Variants in ATP11B observed in about 807,000 individuals in gnomAD.
ATP11B encodes the protein ATPase phospholipid transporting 11B (putative), also known as phospholipid-transporting ATPase IF.
Under a neutral mutation model 157.8 loss-of-function variants are expected in ATP11B, and 81 were observed. The ratio of observed to expected loss-of-function variants is 0.51; its 90% CI spans 0.43 to 0.62. The LOEUF (loss-of-function observed/expected upper bound fraction) is 0.62, where lower values mean the gene tolerates loss of function less well. Among genes scored for constraint, ATP11B ranks in the 20% least tolerant of loss-of-function variants. The pLI is 0.00. For missense variants in ATP11B, 1,165 were observed against 1,402.2 expected, an observed-to-expected ratio of 0.83 and a Z score of 2.70; for synonymous variants, 451 against 469.4, an observed-to-expected ratio of 0.96 and a Z score of 0.51.
At chr3:182,893,884 G>GT (rs1723340787) in intron 25 of ATP11B, among the ~76,000 whole-genome samples, 1 of 152,148 alleles carries the variant, frequency 6.6e-6, no homozygotes, top group Non-Finnish European at 1.5e-5. Flanking sequence ...GACCATTCTT[G>GT]TAGGAGTAAG....
At chr3:182,861,201 G>T (rs1325765753) in intron 12 of ATP11B, among the ~76,000 whole-genome samples, 1 of 151,910 alleles carries the variant, frequency 6.6e-6, no homozygotes, top group African/African-American at 2.4e-5. Context: ...GAGTAGCTGG[G>T]ATTACAGGCA....
At chr3:182,890,586 A>T (rs1409624621) in intron 25 of ATP11B, among the ~76,000 whole-genome samples, 1 of 152,202 alleles carries the variant, frequency 6.6e-6, no homozygotes, top group African/African-American at 2.4e-5. Context: ...CCTTTACCTT[A>T]TAGAGTAGGG....
chr3:182,845,010 T>TTTTTTTTTTTTTTTTTTA (rs1560081901), intron 8 of ATP11B, among the ~76,000 whole-genome samples: 2 of 68,252 alleles, frequency 2.9e-5, no homozygotes, highest in African/African-American at 4.1e-5. Flanking sequence ...TTTTTTATTT[T>TTTTTTTTTTTTTTTTTTA]TTTTTATTTT....
At chr3:182,853,023 A>G (rs1720098718) in intron 10 of ATP11B, among the ~76,000 whole-genome samples, 1 of 152,210 alleles carries the variant, frequency 6.6e-6, no homozygotes, top group Admixed American at 6.5e-5. Flanking sequence ...TTTTAACATT[A>G]TTCTAGAAGC....
intron 1 of ATP11B, among the ~76,000 whole-genome samples, chr3:182,816,878 T>C (rs571901287): frequency 7.5e-4 from 115 of 152,344 alleles, no homozygotes; most frequent in African/African-American, 2.6e-3. Context: ...GTTCTTTTAT[T>C]TTTATTTAGA....
At chr3:182,877,305 G>C (rs1236469423) in intron 19 of ATP11B, among the ~76,000 whole-genome samples, 1 of 152,158 alleles carries the variant, frequency 6.6e-6, no homozygotes, top group Non-Finnish European at 1.5e-5. Context: ...AATGTTCACT[G>C]GACAGAGAGT....
At chr3:182,811,285 A>C (rs891706428) in intron 1 of ATP11B, among the ~76,000 whole-genome samples, 2 of 152,230 alleles carry the variant, frequency 1.3e-5, no homozygotes, top group African/African-American at 2.4e-5. Flanking sequence ...AAAATTCATA[A>C]ATCCATATAA....
chr3:182,868,239 T>C (rs1721392137), intron 15 of ATP11B, among the ~76,000 whole-genome samples: 2 of 151,582 alleles, frequency 1.3e-5, no homozygotes, highest in African/African-American at 4.9e-5. Flanking sequence ...TTTTCCATTC[T>C]TTGATAAATT....
intron 25 of ATP11B, among the ~76,000 whole-genome samples, chr3:182,889,993 C>T (rs1026133831): frequency 3.3e-5 from 5 of 152,194 alleles, no homozygotes; most frequent in African/African-American, 7.2e-5. Flanking sequence ...TGTTTGTTTG[C>T]TTTTAATTGC....
chr3:182,834,161 A>G (rs1170527500), intron 4 of ATP11B, among the ~76,000 whole-genome samples: 1 of 152,226 alleles, frequency 6.6e-6, no homozygotes, highest in African/African-American at 2.4e-5. Context: ...TGTGCTTTTG[A>G]CAGTTTCAGA....
chr3:182,888,323 C>A, intron 24 of ATP11B, among the ~76,000 whole-genome samples: 1 of 152,078 alleles, frequency 6.6e-6, no homozygotes. Flanking sequence ...CAGGGCTTGA[C>A]CTAAGATTGG....
chr3:182,891,523 A>G (rs1405303605), intron 25 of ATP11B, among the ~76,000 whole-genome samples: 4 of 152,166 alleles, frequency 2.6e-5, no homozygotes, highest in Non-Finnish European at 5.9e-5. Context: ...TATGTTATTA[A>G]AAATGCTTCA....
intron 19 of ATP11B, 74 bp downstream of exon 19, chr3:182,874,089 C>A: frequency 7.8e-7 from 1 of 1,287,696 alleles, no homozygotes; most frequent in Non-Finnish European, 1.1e-6. Flanking sequence ...GATGATATAG[C>A]CCACTGTCAC....
At position 182,907,988 on chromosome 3, in the gene ATP11B, G is replaced by A. The variant is rs181414474; in HGVS notation, c.3319-5873G>A. 4.6e-4 allele frequency among the ~76,000 whole-genome samples: 70 copies of A among 152,016 alleles called. 1 individual carries two copies. The East Asian group carries it at 9.8e-3, about 21-fold the overall frequency. On this transcript the variant is annotated intron_variant, in intron 28 of 29. Transcript: ENST00000323116. ...TTACAGCCTGTGACATTAATTTACC[G>A]TCTGCATTAAATTTGGGGATTTTAT...
At chr3:182,811,406 C>T (rs1426794588) in intron 1 of ATP11B, among the ~76,000 whole-genome samples, 1 of 152,160 alleles carries the variant, frequency 6.6e-6, no homozygotes, top group African/African-American at 2.4e-5. Flanking sequence ...ATTGGCAAGG[C>T]TCTGCAATCC....
intron 25 of ATP11B, among the ~76,000 whole-genome samples, chr3:182,895,836 C>T (rs773287569): frequency 5.9e-5 from 9 of 152,078 alleles, no homozygotes; most frequent in Non-Finnish European, 1.2e-4. Flanking sequence ...GCAGTTCTGA[C>T]CCTTGTTCTG....
chr3:182,838,461 A>C (rs73883912), intron 7 of ATP11B, among the ~76,000 whole-genome samples: 3,087 of 152,112 alleles, frequency 0.02, 101 homozygotes, highest in African/African-American at 0.072. Context: ...AGTTTGAAAA[A>C]ACTTTTTTAA....
chr3:182,891,827 G>A (rs1021340785), intron 25 of ATP11B, among the ~76,000 whole-genome samples: 5 of 152,154 alleles, frequency 3.3e-5, no homozygotes, highest in Non-Finnish European at 7.3e-5. Flanking sequence ...GGCATCTGTA[G>A]TCATCGTTTG....
chr3:182,916,186 T>A lies in ATP11B; in HGVS notation c.3453-1837T>A, dbSNP rs560145462. The A allele has an allele frequency of 1.3e-5, 13 of 985,324 alleles. No individual in the cohort carries two copies. In the Admixed American group the frequency reaches 8.0e-4, roughly 61 times the overall value. 61.0% of individuals were successfully genotyped at this position (985,324 alleles called of 1,614,324 possible). ...AGTTCTCTTTTTGTTTACATATAAT[T>A]GTATTTGTGAAATGTGTTGGGCATT... On this transcript the variant is annotated intron_variant, in intron 29 of 29. Coordinates refer to ENST00000323116, the MANE Select transcript of ATP11B (RefSeq NM_014616.3).
Sources: gnomAD v4.1 joint callset for allele counts (sites outside exome capture counted in the v4.1 genomes callset) on GRCh38, gnomAD v4.1.1 for gene constraint, MANE v1.5 for transcripts, NCBI Gene and HGNC (gene_info 2026-07-23, HGNC 2026-07-21) for gene names.